The following CTNNA2 variants were observed in gnomAD, a reference collection of about 807,000 sequenced individuals.
The protein encoded by CTNNA2 is catenin alpha-2.
Under a neutral mutation model 101.0 loss-of-function variants are expected in CTNNA2, and 42 were observed. The ratio of observed to expected loss-of-function variants is 0.42; its 90% CI spans 0.32 to 0.54. The LOEUF (loss-of-function observed/expected upper bound fraction) is 0.54. Ranked by LOEUF, CTNNA2 falls within the 20% of genes least tolerant of loss-of-function variation. The probability of loss-of-function intolerance (pLI) is 0.14; values close to 1 mark genes in which losing one functional copy is unlikely to be tolerated. For synonymous variants in CTNNA2, 450 were observed against 456.4 expected (o/e 0.99, Z 0.18); for missense variants, 871 against 1,223.1 (o/e 0.71, Z 4.29).
chr2:79,919,602 G>T (rs901273765), intron 7 of CTNNA2, among the ~76,000 whole-genome samples: 3 of 152,156 alleles, frequency 2.0e-5, no homozygotes, highest in Non-Finnish European at 4.4e-5. Flanking sequence ...CTCGGAAGAG[G>T]CTTCTGGTAT....
chr2:80,240,641 T>C (rs1281497782), intron 7 of CTNNA2, among the ~76,000 whole-genome samples: 1 of 152,180 alleles, frequency 6.6e-6, no homozygotes, highest in Non-Finnish European at 1.5e-5. Context: ...AAAAAAATTC[T>C]CTCTGTTACA....
chr2:80,049,731 A>T (rs1280702468), intron 7 of CTNNA2, among the ~76,000 whole-genome samples: 1 of 152,286 alleles, frequency 6.6e-6, no homozygotes, highest in East Asian at 1.9e-4. Flanking sequence ...TTCTGTATTC[A>T]TGGCCCCCCA....
chr2:80,302,077 G>C lies in CTNNA2; in HGVS notation c.1057-91134G>C. On this transcript the variant is annotated intron_variant, in intron 7 of 18. Transcript: ENST00000402739. This position sits in a 1 kb window ranked among gnomAD's most constrained non-coding sequence, Gnocchi z 6.4. The stretch of plus-strand genomic sequence containing the variant: ...TTTTGTTGTGTTTTAATTCGCTTTT[G>C]TTTTTAAGACACAATAAAGCTAAAA... The C allele has an allele frequency of 1.2e-6, 1 of 862,578 alleles. No individual in the cohort carries two copies. The allele number at this position is 862,578 out of a possible 1,614,324, so 53.4% of individuals were successfully genotyped here. A position where few individuals can be genotyped will look rare whatever the true frequency, so the allele number is the denominator to read the frequency against.
chr2:80,164,747 A>G (rs182144348), intron 7 of CTNNA2, among the ~76,000 whole-genome samples: 101 of 146,994 alleles, frequency 6.9e-4, no homozygotes, highest in African/African-American at 2.5e-3. Flanking sequence ...AGGTCTATTG[A>G]TAACAAAGTC....
chr2:80,091,007 A>G lies in CTNNA2; in HGVS notation c.1056+181210A>G, dbSNP rs1011278615. On this transcript the variant is annotated intron_variant, in intron 7 of 18. Transcript: ENST00000402739. ...TTGCTTTGTTTAAAATGTTTGGTCT[A>G]TTTCATGTCTTCACAGAGATTTGGA... Among the ~76,000 whole-genome samples, 5 of 152,120 alleles carry G rather than the reference A, an allele frequency of 3.3e-5. 1 individual carries two copies. In the South Asian group the frequency reaches 8.3e-4, roughly 25 times the overall value.
At chr2:79,765,026 T>C (rs1673045007) in intron 3 of CTNNA2, among the ~76,000 whole-genome samples, 1 of 152,158 alleles carries the variant, frequency 6.6e-6, no homozygotes, top group Non-Finnish European at 1.5e-5. Context: ...AAAATGGAAC[T>C]TAAGGATCAG....
intron 18 of CTNNA2, among the ~76,000 whole-genome samples, chr2:80,619,476 C>G (rs1054841795): frequency 5.9e-5 from 9 of 151,900 alleles, no homozygotes; most frequent in Admixed American, 6.6e-5. Context: ...CTCAGTCTTT[C>G]TTCCCATTGG....
chr2:79,723,773 G>A (rs919873350), intron 2 of CTNNA2, among the ~76,000 whole-genome samples: 7 of 152,038 alleles, frequency 4.6e-5, no homozygotes, highest in African/African-American at 7.2e-5. Context: ...CTAATGGTTC[G>A]ATTTTTAGAA....
intron 2 of CTNNA2, among the ~76,000 whole-genome samples, chr2:79,198,962 T>C (rs1356474526): frequency 6.6e-6 from 1 of 152,220 alleles, no homozygotes; most frequent in Non-Finnish European, 1.5e-5. Flanking sequence ...AGACACATTT[T>C]TGTTTCATTA....
chr2:79,295,616 G>A (rs1187740834), intron 2 of CTNNA2, among the ~76,000 whole-genome samples: 2 of 150,732 alleles, frequency 1.3e-5, no homozygotes, highest in Non-Finnish European at 2.9e-5. Context: ...ATGTTGCAAT[G>A]AGAGACTTCT....
intron 4 of CTNNA2, among the ~76,000 whole-genome samples, chr2:79,465,006 T>C (rs529990545): frequency 6.6e-6 from 1 of 152,324 alleles, no homozygotes; most frequent in East Asian, 1.9e-4. Context: ...CATTTGTCAA[T>C]TTTGGCTTTT....
At chr2:79,325,962 T>G (rs899630261) in intron 3 of CTNNA2, among the ~76,000 whole-genome samples, 1 of 152,040 alleles carries the variant, frequency 6.6e-6, no homozygotes, top group Non-Finnish European at 1.5e-5. Context: ...TGTATAAGAG[T>G]CAATTCAAGA....
chr2:80,338,186 G>A (rs780656914), intron 7 of CTNNA2, among the ~76,000 whole-genome samples: 25 of 151,938 alleles, frequency 1.6e-4, no homozygotes, highest in East Asian at 1.9e-4. Context: ...ACAGGGTTTT[G>A]CCATGTTGGC....
chr2:80,219,702 AC>A (rs1708467449), intron 7 of CTNNA2, among the ~76,000 whole-genome samples: 2 of 152,176 alleles, frequency 1.3e-5, no homozygotes, highest in South Asian at 4.1e-4. Flanking sequence ...ATTAACAAAA[AC>A]AAAAATCTAT....
intron 4 of CTNNA2, among the ~76,000 whole-genome samples, chr2:79,465,382 T>TG (rs1314370932): frequency 6.6e-6 from 1 of 152,124 alleles, no homozygotes; most frequent in Non-Finnish European, 1.5e-5. Flanking sequence ...TTTTGGTTAC[T>TG]TAGCCTTGTA....
chr2:79,595,433 C>A (rs1677126753), intron 1 of CTNNA2, among the ~76,000 whole-genome samples: 2 of 152,178 alleles, frequency 1.3e-5, no homozygotes, highest in African/African-American at 2.4e-5. Context: ...GATGTGAACA[C>A]CCATAGGCAT....
At chr2:80,318,817 C>T (rs1165298935) in intron 7 of CTNNA2, among the ~76,000 whole-genome samples, 2 of 152,024 alleles carry the variant, frequency 1.3e-5, no homozygotes, top group Admixed American at 6.6e-5. Flanking sequence ...TTTCCAAGCC[C>T]GTAGAGCAAT....
intron 4 of CTNNA2, among the ~76,000 whole-genome samples, chr2:79,402,739 A>G (rs999387096): frequency 1.3e-5 from 2 of 151,882 alleles, no homozygotes; most frequent in Non-Finnish European, 2.9e-5. Context: ...TATAGGCCAT[A>G]GAACAGGCCT....
intron 7 of CTNNA2, among the ~76,000 whole-genome samples, chr2:80,286,374 T>A (rs1163598912): frequency 6.6e-6 from 1 of 152,164 alleles, no homozygotes; most frequent in African/African-American, 2.4e-5. Flanking sequence ...GTTCTTTGTA[T>A]GATGAGTGTA....
Sources: gnomAD v4.1 joint callset for allele counts (sites outside exome capture counted in the v4.1 genomes callset) on GRCh38, gnomAD v4.1.1 for gene constraint, Gnocchi (gnomAD v3.1) non-coding constraint, MANE v1.5 for transcripts, NCBI Gene and HGNC (gene_info 2026-07-23, HGNC 2026-07-21) for gene names.